The following EPN2 variants were observed in gnomAD, a reference collection of about 807,000 sequenced individuals.
The protein encoded by EPN2 is epsin 2.
A neutral mutation model predicts 61.7 loss-of-function variants in EPN2; 34 were observed. That is an observed-to-expected ratio of 0.55 (90% CI 0.42 to 0.73). The LOEUF is 0.73. Ranked by LOEUF, EPN2 falls within the 30% of genes least tolerant of loss-of-function variation. The probability of loss-of-function intolerance (pLI) is 0.00; values close to 1 mark genes in which losing one functional copy is unlikely to be tolerated. For synonymous variants in EPN2, 349 were observed against 353.6 expected (o/e 0.99, Z 0.15); for missense variants, 714 against 839.2 (o/e 0.85, Z 1.84).
rs149264497 is a variant in EPN2 at position 19,315,034 on chromosome 17, A to C, written c.1147+1755A>C. Among the ~76,000 whole-genome samples, 250 of 152,342 alleles carry C rather than the reference A, an allele frequency of 1.6e-3. 4 individuals are homozygous for C. The East Asian group carries it at 0.044, about 27-fold the overall frequency. The stretch of plus-strand genomic sequence containing the variant: ...ACACCAGGAGCCAGGTGGGTTTAAT[A>C]GAGTTAAATTCTGGGGAGGGAATTG... On this transcript the variant is annotated intron_variant, in intron 7 of 10. Transcript: ENST00000314728.
At chr17:19,265,299 G>A (rs1201253406) in intron 1 of EPN2, among the ~76,000 whole-genome samples, 4 of 151,588 alleles carry the variant, frequency 2.6e-5, no homozygotes, top group Non-Finnish European at 5.9e-5. Context: ...AATCACTTGT[G>A]CCTGGGAGGT....
chr17:19,273,980 ATGTGGTC>A (rs1430256309), intron 1 of EPN2: 2 of 152,248 alleles, frequency 1.3e-5, no homozygotes, highest in Non-Finnish European at 2.9e-5. Context: ...TGGTTTGGTC[ATGTGGTC>A]TGTGGTCTCA....
intron 1 of EPN2, among the ~76,000 whole-genome samples, chr17:19,263,340 T>C (rs1019693699): frequency 2.0e-5 from 3 of 152,148 alleles, no homozygotes; most frequent in African/African-American, 7.2e-5. Flanking sequence ...CTGGGGCCCA[T>C]GAGAGTGGTT....
chr17:19,312,774 G>A (rs1261733966), intron 6 of EPN2: 2 of 311,572 alleles, frequency 6.4e-6, no homozygotes, highest in Non-Finnish European at 1.2e-5. Flanking sequence ...GGCTGGCCCT[G>A]GATGGTGGCT....
At chr17:19,268,677 T>A (rs769128015) in intron 1 of EPN2, among the ~76,000 whole-genome samples, 1 of 152,212 alleles carries the variant, frequency 6.6e-6, no homozygotes, top group Non-Finnish European at 1.5e-5. Flanking sequence ...GAGACATGCA[T>A]GGCTATAGAA....
chr17:19,237,692 T>G (rs912047240), intron 1 of EPN2, among the ~76,000 whole-genome samples, 161 bp downstream of exon 1: 2 of 151,894 alleles, frequency 1.3e-5, no homozygotes, highest in Non-Finnish European at 2.9e-5. Flanking sequence ...TACGCCAGGC[T>G]CTGGGGGATC....
chr17:19,266,626 T>C (rs893701654), intron 1 of EPN2, among the ~76,000 whole-genome samples: 1 of 151,614 alleles, frequency 6.6e-6, no homozygotes, highest in Non-Finnish European at 1.5e-5. Context: ...ATGGTTTCGA[T>C]CTCCTCACCT....
chr17:19,275,226 G>A (rs545763170), intron 1 of EPN2, among the ~76,000 whole-genome samples: 4 of 152,128 alleles, frequency 2.6e-5, no homozygotes, highest in South Asian at 2.1e-4. Flanking sequence ...TCAGGGGAGC[G>A]CCCATGCTCT....
At chr17:19,242,132 GAAAAAAAA>G (rs5819664) in intron 1 of EPN2, among the ~76,000 whole-genome samples, 1 of 115,376 alleles carries the variant, frequency 8.7e-6, no homozygotes, top group African/African-American at 2.9e-5. Context: ...TGTTTGATCT[GAAAAAAAA>G]AAAAAAAAAG....
intron 1 of EPN2, among the ~76,000 whole-genome samples, chr17:19,240,342 G>A (rs551554311): frequency 2.4e-4 from 36 of 152,248 alleles, no homozygotes; most frequent in Non-Finnish European, 3.2e-4. Context: ...TGCCTCCTGG[G>A]TTCAAGTGAT....
intron 7 of EPN2, among the ~76,000 whole-genome samples, chr17:19,317,511 C>T (rs546213925): frequency 6.6e-6 from 1 of 152,182 alleles, no homozygotes; most frequent in South Asian, 2.1e-4. Context: ...GCACCACCCC[C>T]CCGCGTTGTG....
intron 1 of EPN2, among the ~76,000 whole-genome samples, chr17:19,259,058 G>A (rs1236548970): frequency 6.6e-6 from 1 of 152,108 alleles, no homozygotes; most frequent in Non-Finnish European, 1.5e-5. Context: ...TTTATAATTT[G>A]GAATGGGGAA....
intron 1 of EPN2, among the ~76,000 whole-genome samples, chr17:19,246,609 A>G (rs2044951959): frequency 6.6e-6 from 1 of 151,794 alleles, no homozygotes; most frequent in South Asian, 2.1e-4. Context: ...TGTTTTGTGA[A>G]CTCTTTAAGA....
intron 7 of EPN2, among the ~76,000 whole-genome samples, chr17:19,315,034 A>G (rs149264497): frequency 6.6e-6 from 1 of 152,224 alleles, no homozygotes; most frequent in South Asian, 2.1e-4. Flanking sequence ...TGGGTTTAAT[A>G]GAGTTAAATT....
At chr17:19,302,166 C>T (rs1325383199) in intron 4 of EPN2, among the ~76,000 whole-genome samples, 1 of 152,238 alleles carries the variant, frequency 6.6e-6, no homozygotes, top group Non-Finnish European at 1.5e-5. Flanking sequence ...TCAGCCTGGA[C>T]TGTAAGTGGG....
rs1388932192 is a variant in EPN2 at position 19,240,371 on chromosome 17, G to A, written c.-294+2840G>A. ...AAGTGATTCTCCTGCCTAACCTCCC[G>A]AGTAGCTGGGACTACAGGCGTGTGC... On this transcript the variant is annotated intron_variant, in intron 1 of 10. Coordinates refer to ENST00000314728, the MANE Select transcript of EPN2 (RefSeq NM_014964.5). 5.3e-5 allele frequency among the ~76,000 whole-genome samples: 8 copies of A among 151,958 alleles called. No homozygotes were observed. In the East Asian group the frequency reaches 9.7e-4, roughly 18 times the overall value.
chr17:19,333,888 C>A, intron 10 of EPN2, 68 bp from the exon 11 acceptor site: 1 of 1,386,286 alleles, frequency 7.2e-7, no homozygotes, highest in Non-Finnish European at 9.7e-7. Context: ...GCATGCAGTC[C>A]CTGACCTGGG....
chr17:19,330,453 C>T (rs996236694), intron 9 of EPN2, among the ~76,000 whole-genome samples: 1 of 152,166 alleles, frequency 6.6e-6, no homozygotes, highest in East Asian at 1.9e-4. Context: ...GAGGTACAAG[C>T]AGCCTGGCAC....
At chr17:19,265,115 A>G (rs2045182438) in intron 1 of EPN2, among the ~76,000 whole-genome samples, 1 of 152,152 alleles carries the variant, frequency 6.6e-6, no homozygotes, top group Non-Finnish European at 1.5e-5. Context: ...TCCGGTGGCC[A>G]GGCATGGTGG....
Sources: gnomAD v4.1 joint callset for allele counts (sites outside exome capture counted in the v4.1 genomes callset) on GRCh38, gnomAD v4.1.1 for gene constraint, MANE v1.5 for transcripts, NCBI Gene and HGNC (gene_info 2026-07-23, HGNC 2026-07-21) for gene names.